CSF2RA: variants seen among roughly 807,000 people sequenced by gnomAD.
The protein encoded by CSF2RA is colony stimulating factor 2 receptor subunit alpha, also known as granulocyte-macrophage colony-stimulating factor receptor subunit alpha.
CSF2RA carries 42 observed loss-of-function variants against 51.6 expected under a neutral mutation model. The ratio of observed to expected loss-of-function variants is 0.81; its 90% CI spans 0.64 to 1.05. CSF2RA has a LOEUF of 1.05. CSF2RA is among the 50% of genes least tolerant of loss of function. CSF2RA has a pLI of 0.00. For missense variants in CSF2RA, 530 were observed against 501.1 expected (o/e 1.06, Z -0.55); for synonymous variants, 222 against 193.0 (o/e 1.15, Z -1.24).
the CSF2RA span, among the ~76,000 whole-genome samples, chrX:1,315,687 G>A: frequency 6.6e-6 from 1 of 152,032 alleles, no homozygotes; most frequent in Non-Finnish European, 1.5e-5. Flanking sequence ...TTACAGGCGT[G>A]AGCCACCTTG....
intron 1 of CSF2RA, among the ~76,000 whole-genome samples, chrX:1,270,549 A>G (rs1452067769): frequency 2.6e-5 from 4 of 151,996 alleles, no homozygotes; most frequent in Non-Finnish European, 4.4e-5. Flanking sequence ...CAATATTATC[A>G]TTTTTAAAGC....
At chrX:1,305,829 C>T (rs2083507631) in intron 12 of CSF2RA, 4 of 1,532,732 alleles carry the variant, frequency 2.6e-6, no homozygotes, top group East Asian at 2.4e-5. Flanking sequence ...GCCTGTCATC[C>T]CAGCACTTTG....
intron 12 of CSF2RA, 170 bp downstream of exon 12, chrX:1,305,697 G>A: frequency 3.2e-6 from 5 of 1,562,638 alleles, no homozygotes; most frequent in Non-Finnish European, 4.3e-6. Context: ...TCCCGGGTCG[G>A]GGTCTTCTCC....
At chrX:1,281,097 CCT>C (rs1180086682) in intron 2 of CSF2RA, among the ~76,000 whole-genome samples, 4 of 34,224 alleles carry the variant, frequency 1.2e-4, no homozygotes, top group Non-Finnish European at 1.7e-4. Context: ...CTCCTGCTCC[CCT>C]TCTCCTCCTC....
At chrX:1,300,150 T>G (rs2092273856) in intron 9 of CSF2RA, 1 of 225,620 alleles carries the variant, frequency 4.4e-6, no homozygotes, top group Non-Finnish European at 8.7e-6. Context: ...ACCCTGGAGG[T>G]GGAGGTTGTA....
intron 8 of CSF2RA, 29 bp from the exon 9 acceptor site, chrX:1,295,398 C>A (rs755318866): frequency 6.2e-7 from 1 of 1,613,272 alleles, no homozygotes; most frequent in African/African-American, 1.3e-5. Context: ...AAACAGTGAG[C>A]CTTGTGTTGT....
chrX:1,310,574 A>G (rs28504384), downstream of CSF2RA, among the ~76,000 whole-genome samples: 63,825 of 150,078 alleles, frequency 0.43, 15,292 homozygotes, highest in East Asian at 0.73. Context: ...AGGCTGAGGC[A>G]GGAGAATGGC....
chrX:1,293,306 C>T (rs2091575279), intron 7 of CSF2RA, among the ~76,000 whole-genome samples: 1 of 152,146 alleles, frequency 6.6e-6, no homozygotes, highest in Non-Finnish European at 1.5e-5. Context: ...GCAACCTCCG[C>T]CTCCCGGGTT....
intron 1 of CSF2RA, 51 bp downstream of exon 1, chrX:1,268,930 G>C: frequency 2.2e-6 from 1 of 453,562 alleles, no homozygotes; most frequent in South Asian, 1.6e-5. Context: ...GAGTCACCCG[G>C]GTACATGTTT....
At position 1,309,594 on chromosome X, in the gene CSF2RA, A is replaced by G; in HGVS notation, c.*115A>G. ...ATTTTCTATGTTTTTATTTAAAAAC[A>G]TGACATTTGGGGCCAGGCGCGGTGG... On this transcript the variant is annotated 3_prime_UTR_variant, in exon 13 of 13. Transcript: ENST00000381529. The G allele has an allele frequency of 2.5e-6, 4 of 1,613,858 alleles. No homozygotes were observed. The South Asian group carries it at 3.3e-5, about 13-fold the overall frequency.
intron 11 of CSF2RA, 58 bp downstream of exon 11, chrX:1,304,077 C>T: frequency 1.1e-5 from 15 of 1,402,482 alleles, no homozygotes; most frequent in Non-Finnish European, 1.3e-5. Context: ...GGGAGGAAAG[C>T]GCTTTGTCCA....
chrX:1,290,401 C>G lies in CSF2RA; in HGVS notation c.538C>G (p.Leu180Val). Residue 180 changes from leucine to valine, a missense_variant, in exon 7 of 13, where the codon CTG (leucine) becomes GTG (valine). Leu to Val is a conservative substitution (Grantham distance 32). Transcript: ENST00000381529. ...CTCAGGAACCCATGTGGGATGTCAC[C>G]TGGATAACCTGTCAGGATTAACGTC... ...QDSGTHVGCH[L>V]DNLSGLTSRN... The G allele has an allele frequency of 6.2e-7, 1 of 1,613,262 alleles. No homozygotes were observed. The highest frequency in any genetic ancestry group is 1.1e-5 in the South Asian group (1 of 91,060).
chrX:1,303,183 G>T, intron 10 of CSF2RA: 3 of 225,924 alleles, frequency 1.3e-5, no homozygotes, highest in Non-Finnish European at 2.5e-5. Context: ...TCAGCCTCCT[G>T]AGTAGCTGGG....
rs780341016 is a variant in CSF2RA at position 1,309,731 on chromosome X, G to T, written c.*252G>T. The T allele has an allele frequency of 3.7e-6, 3 of 813,542 alleles. No individual in the cohort carries two copies. Among genetic ancestry groups the T allele is most frequent in the Admixed American group, 2.1e-5 (1 of 47,972 alleles). 50.4% of individuals were successfully genotyped at this position (813,542 alleles called of 1,614,324 possible). A position where few individuals can be genotyped will look rare whatever the true frequency, so the allele number is the denominator to read the frequency against. On this transcript the variant is annotated 3_prime_UTR_variant, in exon 13 of 13. Coordinates refer to ENST00000381529, the MANE Select transcript of CSF2RA (RefSeq NM_172245.4). The stretch of plus-strand genomic sequence containing the variant: ...GTGAAACCCCATCTGGACTAAAAAT[G>T]CAGAAATTTACCCAGGCACGGCGGC...
rs1365475254 is a variant in CSF2RA, at chrX:1,299,915, CAAATA to C, written c.811-562_811-558del. ...CCTGGGCGACAGAGCGAGAGTGTCT[CAAATA>C]AAATAAAATAAAAGAGGCCGGGCGT... is the stretch of plus-strand genomic sequence containing the variant. On this transcript the variant is annotated intron_variant, in intron 9 of 12. Coordinates refer to ENST00000381529, the MANE Select transcript of CSF2RA (RefSeq NM_172245.4). Among the ~76,000 whole-genome samples, 15 of 151,252 alleles carry C rather than the reference CAAATA, an allele frequency of 9.9e-5. 1 individual carries two copies. The South Asian group carries it at 2.7e-3, about 28-fold the overall frequency.
intron 1 of CSF2RA, among the ~76,000 whole-genome samples, chrX:1,274,131 T>A (rs1346572684): frequency 6.6e-6 from 1 of 151,918 alleles, no homozygotes; most frequent in Non-Finnish European, 1.5e-5. Flanking sequence ...AACGCAAAGA[T>A]GTTGCATAAT....
At chrX:1,304,123 C>A in intron 11 of CSF2RA, 104 bp downstream of exon 11, 1 of 1,093,866 alleles carries the variant, frequency 9.1e-7, no homozygotes, top group Non-Finnish European at 1.4e-6. Flanking sequence ...AGAAACACAG[C>A]CTTGGCCGGG....
intron 4 of CSF2RA, among the ~76,000 whole-genome samples, chrX:1,286,598 T>C (rs1474802488): frequency 6.6e-6 from 1 of 151,602 alleles, no homozygotes; most frequent in African/African-American, 2.4e-5. Flanking sequence ...ATAAATTCAA[T>C]TAAATAAAAG....
At chrX:1,311,422 C>G (rs2084177631), downstream of CSF2RA, among the ~76,000 whole-genome samples, 1 of 143,740 alleles carries the variant, frequency 7.0e-6, no homozygotes, top group Non-Finnish European at 1.5e-5. Flanking sequence ...GTGGAATCAT[C>G]AGCCAAATAA....
Sources: allele counts gnomAD v4.1 joint callset (sites outside exome capture counted in the v4.1 genomes callset), GRCh38; gene constraint gnomAD v4.1.1; transcripts MANE v1.5; gene names NCBI Gene and HGNC (gene_info 2026-07-23, HGNC 2026-07-21).